VEPH1: variants seen among roughly 807,000 people sequenced by gnomAD.
The protein encoded by VEPH1 is ventricular zone expressed PH domain containing 1.
VEPH1 carries 80 observed loss-of-function variants against 85.2 expected under a neutral mutation model. The ratio of observed to expected loss-of-function variants is 0.94; its 90% CI spans 0.78 to 1.13. The LOEUF (loss-of-function observed/expected upper bound fraction) is 1.13. VEPH1 is among the 50% of genes most tolerant of loss of function. The pLI is 0.00. For missense variants in VEPH1, 955 were observed against 980.5 expected, an observed-to-expected ratio of 0.97 and a Z score of 0.35; for synonymous variants, 297 against 348.0, an observed-to-expected ratio of 0.85 and a Z score of 1.63.
chr3:157,429,405 T>C (rs1303320184), intron 4 of VEPH1, among the ~76,000 whole-genome samples: 1 of 152,198 alleles, frequency 6.6e-6, no homozygotes, highest in African/African-American at 2.4e-5. Flanking sequence ...CATGCCTATA[T>C]ATAAAAGACA....
intron 4 of VEPH1, among the ~76,000 whole-genome samples, chr3:157,448,803 G>T (rs1272874903): frequency 6.6e-6 from 1 of 152,156 alleles, no homozygotes; most frequent in Non-Finnish European, 1.5e-5. Context: ...AAGTGATATG[G>T]TTTGGCTCTG....
chr3:157,481,895 T>C (rs2109605010), intron 2 of VEPH1, among the ~76,000 whole-genome samples: 1 of 152,112 alleles, frequency 6.6e-6, no homozygotes, highest in South Asian at 2.1e-4. Flanking sequence ...CATTGCTAAG[T>C]TTTTGACTTT....
intron 13 of VEPH1, among the ~76,000 whole-genome samples, chr3:157,262,243 C>T (rs866735866): frequency 6.6e-5 from 10 of 152,204 alleles, no homozygotes; most frequent in South Asian, 6.2e-4. Flanking sequence ...GGGAAGTATC[C>T]ATCAGCCAAG....
At chr3:157,280,264 T>C (rs1472648521) in intron 12 of VEPH1, among the ~76,000 whole-genome samples, 1 of 152,124 alleles carries the variant, frequency 6.6e-6, no homozygotes, top group East Asian at 1.9e-4. Context: ...CTCACATTAG[T>C]CTGCCTTTCC....
At chr3:157,394,183 A>T (rs1427941212) in intron 6 of VEPH1, among the ~76,000 whole-genome samples, 3 of 152,244 alleles carry the variant, frequency 2.0e-5, no homozygotes, top group African/African-American at 4.8e-5. Context: ...ACTGTTCAAA[A>T]TGTCAATACA....
At position 157,335,358 on chromosome 3, in the gene VEPH1, C is replaced by A. The variant is rs553670433; in HGVS notation, c.1736-18157G>T. Among the ~76,000 whole-genome samples, 26 of 152,170 alleles carry A rather than the reference C, an allele frequency of 1.7e-4. 1 individual carries two copies. The highest frequency in any genetic ancestry group is 6.0e-4 in the African/African-American group (25 of 41,512). The stretch of plus-strand genomic sequence containing the variant: ...GCTTCAGTGAGCCGTGTTTGCATCA[C>A]TGCACTCCAGCCTGGGCAACAAGGA... On this transcript the variant is annotated intron_variant, in intron 9 of 13. Transcript: ENST00000362010.
chr3:157,471,722 T>C (rs1007707539), intron 2 of VEPH1, among the ~76,000 whole-genome samples: 80 of 152,208 alleles, frequency 5.3e-4, no homozygotes, highest in African/African-American at 1.8e-3. Flanking sequence ...ATCTTTTTTT[T>C]TTTTAATCCT....
intron 4 of VEPH1, among the ~76,000 whole-genome samples, chr3:157,438,091 G>T (rs1341836810): frequency 2.0e-5 from 3 of 151,234 alleles, no homozygotes; most frequent in African/African-American, 7.3e-5. Flanking sequence ...CTGCATGCGC[G>T]GTCACAGAGC....
intron 4 of VEPH1, among the ~76,000 whole-genome samples, 179 bp from the exon 5 acceptor site, chr3:157,428,667 A>G (rs1040273321): frequency 2.0e-5 from 3 of 152,266 alleles, no homozygotes; most frequent in African/African-American, 7.2e-5. Context: ...ATTTAATCCG[A>G]TTCCACAAAA....
At chr3:157,472,488 G>T (rs191678151) in intron 2 of VEPH1, among the ~76,000 whole-genome samples, 1 of 151,934 alleles carries the variant, frequency 6.6e-6, no homozygotes, top group African/African-American at 2.4e-5. Flanking sequence ...TACTAATTTT[G>T]CAACTTTCCC....
chr3:157,303,142 C>G (rs1285367819), intron 11 of VEPH1, among the ~76,000 whole-genome samples: 1 of 152,142 alleles, frequency 6.6e-6, no homozygotes, highest in Non-Finnish European at 1.5e-5. Flanking sequence ...CTTTTCCTTT[C>G]TCTTATTCTT....
intron 2 of VEPH1, among the ~76,000 whole-genome samples, chr3:157,476,715 C>T (rs1482305399): frequency 6.6e-6 from 1 of 152,216 alleles, no homozygotes; most frequent in East Asian, 1.9e-4. Flanking sequence ...CCAGTCACCT[C>T]AGGTTCTTTG....
chr3:157,361,555 A>C (rs1158102414), intron 9 of VEPH1, among the ~76,000 whole-genome samples: 2 of 152,222 alleles, frequency 1.3e-5, no homozygotes, highest in African/African-American at 4.8e-5. Context: ...GGCTTTTTCT[A>C]TGAGGGCTGT....
intron 12 of VEPH1, among the ~76,000 whole-genome samples, chr3:157,284,441 A>G (rs188592418): frequency 2.6e-5 from 4 of 152,356 alleles, no homozygotes; most frequent in Admixed American, 2.6e-4. Context: ...TGCAAGGAAT[A>G]TGCTAGCTGT....
rs72302538 is a variant in VEPH1, at chr3:157,471,714, CTT to C, written c.139-1187_139-1186del. On this transcript the variant is annotated intron_variant, in intron 2 of 13. Coordinates refer to ENST00000362010, the MANE Select transcript of VEPH1 (RefSeq NM_001167912.2). ...TATATTTTTCTTTAGGTGACCTCATCTTTTTTTTTTTTAATCCTTCTTTGGTA... is the reference window on the plus strand; with the variant it reads ...TATATTTTTCTTTAGGTGACCTCATCTTTTTTTTTTAATCCTTCTTTGGTA... Among the ~76,000 whole-genome samples, 13 of 142,418 alleles carry C rather than the reference CTT, an allele frequency of 9.1e-5. 1 individual carries two copies. In the South Asian group the frequency reaches 1.6e-3, roughly 17 times the overall value. The allele number at this position is 142,418 out of a possible 152,430, so 93.4% of individuals were successfully genotyped here. A position where few individuals can be genotyped will look rare whatever the true frequency, so the allele number is the denominator to read the frequency against.
rs1577325127 is a variant in VEPH1, at chr3:157,317,113, G to A, written c.1824C>T (p.Leu608=). ...TCCATGGCTGAGGTTCTTGGCTGAT[G>A]AGAATAAAACTGGACTTACTGTATA... The part of the protein sequence containing the change: ...YCLYSKSSFI[L]ISQEPQPWIQ... Residue 608 remains leucine, a synonymous_variant, in exon 10 of 14, where the codon CTC becomes CTT. Coordinates refer to ENST00000362010, the MANE Select transcript of VEPH1 (RefSeq NM_001167912.2). 1 of 1,613,676 alleles carries A rather than the reference G, an allele frequency of 6.2e-7. No individual in the cohort carries two copies.
chr3:157,360,116 A>G (rs1302807127), intron 9 of VEPH1, among the ~76,000 whole-genome samples: 1 of 152,234 alleles, frequency 6.6e-6, no homozygotes, highest in African/African-American at 2.4e-5. Flanking sequence ...AAGGAAAGAA[A>G]GGTAATATTG....
intron 9 of VEPH1, among the ~76,000 whole-genome samples, chr3:157,351,396 G>C (rs1724852015): frequency 6.6e-6 from 1 of 151,948 alleles, no homozygotes; most frequent in Non-Finnish European, 1.5e-5. Context: ...GAACATCCAT[G>C]TTGGACAGGC....
chr3:157,437,803 C>A (rs950097493), intron 4 of VEPH1: 3 of 1,453,664 alleles, frequency 2.1e-6, no homozygotes, highest in Non-Finnish European at 2.7e-6. Context: ...GGAGGCGCAG[C>A]GCCCAGAGGA....
Sources: gnomAD v4.1 joint callset for allele counts (sites outside exome capture counted in the v4.1 genomes callset) on GRCh38, gnomAD v4.1.1 for gene constraint, MANE v1.5 for transcripts, NCBI Gene and HGNC (gene_info 2026-07-23, HGNC 2026-07-21) for gene names.